The following KMT2C variants were observed in gnomAD, a reference collection of about 807,000 sequenced individuals.
The protein encoded by KMT2C is lysine methyltransferase 2C.
In KMT2C, 88 loss-of-function variants were observed where a neutral mutation model predicts 507.9. That is an observed-to-expected ratio of 0.17 (90% confidence interval 0.15 to 0.21). KMT2C has a LOEUF of 0.21. Ranked by LOEUF, KMT2C falls within the 10% of genes least tolerant of loss-of-function variation. The pLI is 1.00. For synonymous variants in KMT2C, 2,049 were observed against 2,080.8 expected, an observed-to-expected ratio of 0.98 and a Z score of 0.42; for missense variants, 4,954 against 5,957.8, an observed-to-expected ratio of 0.83 and a Z score of 5.55.
At chr7:152,340,528 A>G (rs2096981507) in intron 2 of KMT2C, among the ~76,000 whole-genome samples, 2 of 152,202 alleles carry the variant, frequency 1.3e-5, no homozygotes. Context: ...CTAAAACATT[A>G]GCACTATATT....
intron 1 of KMT2C, among the ~76,000 whole-genome samples, chr7:152,414,015 G>T (rs1257780844): frequency 2.0e-5 from 3 of 152,004 alleles, no homozygotes; most frequent in Admixed American, 6.6e-5. Context: ...TTCGAGACCA[G>T]CCTGACCAAC....
chr7:152,156,879 T>C (rs943177906), intron 44 of KMT2C, among the ~76,000 whole-genome samples: 3 of 152,074 alleles, frequency 2.0e-5, no homozygotes, highest in African/African-American at 7.2e-5. Flanking sequence ...AACTAAATCA[T>C]TAATGTAGTT....
Position 152,252,054 on chromosome 7 carries a change from A to C in KMT2C, c.1506T>G (p.His502Gln). 6.2e-7 allele frequency: 1 copy of C among 1,612,184 alleles called. No homozygotes were observed. Residue 502 changes from histidine (H) to glutamine (Q), a missense_variant, in exon 11 of 59, where the codon CAT (histidine) becomes CAG (glutamine). Around this residue, in one of 29 missense-constraint regions of KMT2C, gnomAD observed 376 missense variants for 352.4 expected, o/e 1.07. Transcript: ENST00000262189. The part of the protein sequence containing the change: ...VHLECDKPTD[H>Q]ELDTQLKEEY... ...CTTCTTTGAGCTGAGTATCCAGTTCATGATCTGTTGGTTTGTCACACTCTA... is the reference window on the plus strand; with the variant it reads ...CTTCTTTGAGCTGAGTATCCAGTTCCTGATCTGTTGGTTTGTCACACTCTA...
chr7:152,212,799 G>A (rs937024424), intron 23 of KMT2C, among the ~76,000 whole-genome samples: 21 of 152,244 alleles, frequency 1.4e-4, no homozygotes, highest in African/African-American at 4.8e-4. Flanking sequence ...CCAGCACTTT[G>A]GGAGGCCAAG....
chr7:152,419,324 C>A (rs2097765119), intron 1 of KMT2C, among the ~76,000 whole-genome samples: 1 of 152,056 alleles, frequency 6.6e-6, no homozygotes, highest in Non-Finnish European at 1.5e-5. Flanking sequence ...GGGCTCCAGC[C>A]TGGGCAACAG....
chr7:152,341,895 G>C (rs1307402536), intron 2 of KMT2C, among the ~76,000 whole-genome samples: 1 of 152,078 alleles, frequency 6.6e-6, no homozygotes, highest in Non-Finnish European at 1.5e-5. Context: ...CAATAATTTG[G>C]GGTGTCCACT....
chr7:152,197,508 C>T (rs188084087), intron 27 of KMT2C, among the ~76,000 whole-genome samples: 2 of 151,864 alleles, frequency 1.3e-5, no homozygotes, highest in East Asian at 1.9e-4. Context: ...TTAAGTTTTG[C>T]GTGCCCAAAT....
intron 34 of KMT2C, among the ~76,000 whole-genome samples, chr7:152,184,836 C>T (rs1309294976): frequency 2.0e-5 from 3 of 152,204 alleles, no homozygotes; most frequent in African/African-American, 4.8e-5. Flanking sequence ...GGAATGCAGT[C>T]GTACAATTCT....
intron 2 of KMT2C, among the ~76,000 whole-genome samples, chr7:152,352,376 C>T (rs766414595): frequency 2.8e-4 from 42 of 152,170 alleles, no homozygotes; most frequent in Non-Finnish European, 5.1e-4. Context: ...GTCCTGTGAT[C>T]TCGCCCTGCC....
intron 6 of KMT2C, among the ~76,000 whole-genome samples, chr7:152,296,887 C>T (rs1432936024): frequency 6.6e-6 from 1 of 151,650 alleles, no homozygotes; most frequent in African/African-American, 2.4e-5. Context: ...CACCTGTAAT[C>T]CCAGCACTTT....
rs2129104560 is a variant in KMT2C at position 152,163,549 on chromosome 7, T to G, written c.10028A>C (p.His3343Pro). The change falls in exon 43 of 59, where the codon CAC becomes CCC. Residue 3343 changes from histidine (H) to proline (P), a missense_variant. By Grantham distance (77) the His-to-Pro change is moderately conservative (BLOSUM62 -2). Coordinates refer to ENST00000262189, the MANE Select transcript of KMT2C (RefSeq NM_170606.3). Reference sequence around the variant, plus strand: ...AATTCTAGGAGGATTGAGGGGCAGGTGGGCAGGAGCACTGTTGGGTTGCCA... The same window carrying G: ...AATTCTAGGAGGATTGAGGGGCAGGGGGGCAGGAGCACTGTTGGGTTGCCA... ...PGWQPNSAPAHLPLNPPRIQP... is the reference protein window; with the variant it reads ...PGWQPNSAPAPLPLNPPRIQP... 1 of 1,610,050 alleles carries G rather than the reference T, an allele frequency of 6.2e-7. No homozygotes were observed. Among genetic ancestry groups the G allele is most frequent in the Middle Eastern group, 1.7e-4 (1 of 6,042 alleles).
At chr7:152,307,664 G>C (rs2096633818) in intron 6 of KMT2C, among the ~76,000 whole-genome samples, 1 of 152,144 alleles carries the variant, frequency 6.6e-6, no homozygotes. Context: ...CCAGTGGTAG[G>C]ACACAGTCTT....
Position 152,144,342 on chromosome 7 carries a change from C to T in KMT2C, c.14343+371G>A, listed in dbSNP as rs1319628484. 6.6e-6 allele frequency among the ~76,000 whole-genome samples: 1 copy of T among 152,164 alleles called. No individual in the cohort carries two copies. The highest frequency in any genetic ancestry group is 1.5e-5 in the Non-Finnish European group (1 of 68,022). On this transcript the variant is annotated intron_variant, in intron 55 of 58. Transcript: ENST00000262189. This position sits in a 1 kb window ranked among gnomAD's most constrained non-coding sequence, Gnocchi z 4.4. ...AGCTTCCAAAAGATAAGGTAACTTC[C>T]AAAATTGGTGTACCTTTGGAAAATA...
intron 1 of KMT2C, among the ~76,000 whole-genome samples, chr7:152,359,437 TGTCA>T (rs1001634412): frequency 4.6e-5 from 7 of 152,002 alleles, no homozygotes; most frequent in Non-Finnish European, 1.0e-4. Context: ...ACTCAGATAA[TGTCA>T]GTGTTTTAAA....
chr7:152,262,745 A>C (rs900430919), intron 9 of KMT2C, among the ~76,000 whole-genome samples: 13 of 152,230 alleles, frequency 8.5e-5, no homozygotes, highest in Admixed American at 5.9e-4. Flanking sequence ...AGTGAATACT[A>C]ATCTATAGTG....
At chr7:152,158,746 C>T (rs1315628848) in intron 44 of KMT2C, 117 bp downstream of exon 44, 4 of 884,180 alleles carry the variant, frequency 4.5e-6, no homozygotes, top group Non-Finnish European at 7.5e-6. Context: ...GAACTCATGC[C>T]TCAAGTGATC....
At chr7:152,261,270 TC>T (rs2095769151) in intron 9 of KMT2C, among the ~76,000 whole-genome samples, 1 of 152,222 alleles carries the variant, frequency 6.6e-6, no homozygotes, top group African/African-American at 2.4e-5. Flanking sequence ...AAGAACAATT[TC>T]ATACTGGTAA....
intron 16 of KMT2C, among the ~76,000 whole-genome samples, chr7:152,233,425 C>T (rs947212417): frequency 1.3e-5 from 2 of 152,026 alleles, no homozygotes. Flanking sequence ...CACAAGTGTC[C>T]CTTCCAAGCA....
At chr7:152,255,087 C>A in intron 9 of KMT2C, among the ~76,000 whole-genome samples, 2 of 123,600 alleles carry the variant, frequency 1.6e-5, no homozygotes, top group African/African-American at 3.0e-5. Context: ...GTCTTAAAAT[C>A]AAGATGTCAA....
Sources: allele counts gnomAD v4.1 joint callset (sites outside exome capture counted in the v4.1 genomes callset), GRCh38; gene constraint gnomAD v4.1.1; regional missense constraint gnomAD v4.1.1; non-coding constraint Gnocchi (gnomAD v3.1); transcripts MANE v1.5; gene names NCBI Gene and HGNC (gene_info 2026-07-23, HGNC 2026-07-21).